RYR3: variants seen among roughly 807,000 people sequenced by gnomAD.
The protein encoded by RYR3 is brain ryanodine receptor-calcium release channel.
Under a neutral mutation model 584.3 loss-of-function variants are expected in RYR3, and 207 were observed. The ratio of observed to expected loss-of-function variants is 0.35; its 90% CI spans 0.32 to 0.40. RYR3 has a LOEUF of 0.40. Ranked by LOEUF, RYR3 falls within the 10% of genes least tolerant of loss-of-function variation. The probability of loss-of-function intolerance (pLI) is 1.00; values close to 1 mark genes in which losing one functional copy is unlikely to be tolerated. For synonymous variants in RYR3, 2,416 were observed against 2,248.5 expected (o/e 1.07, Z -2.11); for missense variants, 5,616 against 6,089.2 (o/e 0.92, Z 2.59).
In RYR3 at chr15:33,857,921, GCCCACCCACTGCGGGGCCAGC is replaced by G. The variant is rs1459572965; in HGVS notation, c.14142+10_14142+30del. ...GTGCGACGACATGATGACGGTGAGA[GCCCACCCACTGCGGGGCCAGC>G]CCACCCACTGCGGGGCCACCCCGCC... On this transcript the variant is annotated splice_region_variant and intron_variant, in intron 99 of 103. Coordinates refer to ENST00000634891, the MANE Select transcript of RYR3 (RefSeq NM_001036.6). 8 of 1,380,586 alleles carry G rather than the reference GCCCACCCACTGCGGGGCCAGC, an allele frequency of 5.8e-6. No homozygotes were observed. The highest frequency in any genetic ancestry group is 7.7e-6 in the Non-Finnish European group (8 of 1,038,000). The allele number at this position is 1,380,586 out of a possible 1,614,324, so 85.5% of individuals were successfully genotyped here.
chr15:33,725,976 C>CGCCAAAAAAAA lies in RYR3; in HGVS notation c.6913-410_6913-409insGCCAAAAAAAA, dbSNP rs1555427643. Among the ~76,000 whole-genome samples, 5 of 31,516 alleles carry CGCCAAAAAAAA rather than the reference C, an allele frequency of 1.6e-4. 1 individual carries two copies. Among genetic ancestry groups the CGCCAAAAAAAA allele is most frequent in the Non-Finnish European group, 3.0e-4 (5 of 16,876 alleles). 20.7% of individuals were successfully genotyped at this position (31,516 alleles called of 152,430 possible). ...CAGAGCAAGACTCCATCCCCCCCCC[C>CGCCAAAAAAAA]AAAAAAAAAAAAAAAAAAAAACAGA... On this transcript the variant is annotated intron_variant, in intron 45 of 103. Transcript: ENST00000634891.
intron 1 of RYR3, among the ~76,000 whole-genome samples, chr15:33,362,249 T>A (rs1222660519): frequency 1.3e-5 from 2 of 152,210 alleles, no homozygotes; most frequent in African/African-American, 4.8e-5. Flanking sequence ...TCTATTGTCT[T>A]TACCCTCCCT....
chr15:33,715,106 A>C (rs1053128887), intron 43 of RYR3, among the ~76,000 whole-genome samples: 6 of 152,248 alleles, frequency 3.9e-5, no homozygotes, highest in African/African-American at 1.4e-4. Flanking sequence ...ATATGGATAG[A>C]CTGTTGTGCT....
chr15:33,845,793 C>T (rs527767332), intron 93 of RYR3, among the ~76,000 whole-genome samples: 1 of 152,218 alleles, frequency 6.6e-6, no homozygotes, highest in African/African-American at 2.4e-5. Flanking sequence ...GGTAACCACT[C>T]AAGATCTCAG....
chr15:33,321,265 G>T (rs1166539087), intron 1 of RYR3, among the ~76,000 whole-genome samples: 3 of 152,172 alleles, frequency 2.0e-5, no homozygotes, highest in African/African-American at 4.8e-5. Context: ...TCATCCTGCT[G>T]TAAGGATCTG....
In RYR3 at chr15:33,573,193, A is replaced by G. The variant is rs112137567; in HGVS notation, c.1268+6394A>G. 7.3e-3 allele frequency among the ~76,000 whole-genome samples: 1,112 copies of G among 152,222 alleles called. 8 individuals carry two copies. Among genetic ancestry groups the G allele is most frequent in the African/African-American group, 0.022 (901 of 41,514 alleles). On this transcript the variant is annotated intron_variant, in intron 12 of 103. Transcript: ENST00000634891. ...TTCTTCCAGGCACAGGATATTTTAG[A>G]AAAAAAGGACTAATGAAAAAATATC...
intron 1 of RYR3, among the ~76,000 whole-genome samples, chr15:33,424,267 A>G (rs2044444547): frequency 6.6e-6 from 1 of 152,230 alleles, no homozygotes; most frequent in Non-Finnish European, 1.5e-5. Context: ...AGAGGACAAC[A>G]TTGCCTACCC....
intron 53 of RYR3, 52 bp from the exon 54 acceptor site, chr15:33,748,062 G>T: frequency 6.3e-7 from 1 of 1,586,560 alleles, no homozygotes; most frequent in East Asian, 2.2e-5. Context: ...ATGGGCCAGG[G>T]AGAATGCTGG....
At chr15:33,646,610 T>C (rs1487003763) in intron 29 of RYR3, 84 bp downstream of exon 29, 2 of 1,244,504 alleles carry the variant, frequency 1.6e-6, no homozygotes, top group East Asian at 4.7e-5. Flanking sequence ...TAACTCAGCA[T>C]AGGAACTCCA....
intron 1 of RYR3, among the ~76,000 whole-genome samples, chr15:33,370,707 A>T (rs2040269492): frequency 6.6e-6 from 1 of 152,156 alleles, no homozygotes; most frequent in Admixed American, 6.5e-5. Flanking sequence ...CAGGATGGAG[A>T]AAGTCAAGTA....
intron 2 of RYR3, among the ~76,000 whole-genome samples, chr15:33,491,756 A>G (rs1301616937): frequency 1.3e-5 from 2 of 152,256 alleles, no homozygotes; most frequent in Admixed American, 1.3e-4. Flanking sequence ...GGTTGGACAG[A>G]TGTAGCATTA....
intron 2 of RYR3, among the ~76,000 whole-genome samples, chr15:33,486,486 A>G (rs961056879): frequency 1.3e-5 from 2 of 152,192 alleles, no homozygotes; most frequent in Non-Finnish European, 2.9e-5. Context: ...CAACTTGATT[A>G]TATCTGATAA....
At chr15:33,313,331 C>G (rs1967622870) in intron 1 of RYR3, among the ~76,000 whole-genome samples, 1 of 152,194 alleles carries the variant, frequency 6.6e-6, no homozygotes, top group Admixed American at 6.5e-5. Context: ...CCGCTAGAGC[C>G]TGGCATTGAG....
chr15:33,314,536 A>T lies in RYR3; in HGVS notation c.51+3440A>T, dbSNP rs190900445. 3.3e-3 allele frequency among the ~76,000 whole-genome samples: 497 copies of T among 152,270 alleles called. 2 individuals carry two copies. The highest frequency in any genetic ancestry group is 5.7e-3 in the Non-Finnish European group (390 of 68,014). On this transcript the variant is annotated intron_variant, in intron 1 of 103. Coordinates refer to ENST00000634891, the MANE Select transcript of RYR3 (RefSeq NM_001036.6). ...ATCCATTTAAAAAACACAAAACGAA[A>T]CAAAACTCTAATCCTTAGCTTATTG...
chr15:33,711,478 C>T (rs968155635), intron 43 of RYR3, among the ~76,000 whole-genome samples: 2 of 152,058 alleles, frequency 1.3e-5, no homozygotes, highest in African/African-American at 2.4e-5. Flanking sequence ...CTCCTGACTT[C>T]GTGATCCACC....
rs748446325 is a variant in RYR3 at position 33,838,704 on chromosome 15, G to A, written c.12724G>A (p.Gly4242Ser). Residue 4242 changes from glycine to serine, a missense_variant, in exon 89 of 104, where the codon GGT becomes AGT. Physicochemically the swap from Gly to Ser is moderately conservative, Grantham distance 56. This residue lies in a region of RYR3 where 918 missense variants were observed against 887.4 expected (regional missense o/e 1.03). Coordinates refer to ENST00000634891, the MANE Select transcript of RYR3 (RefSeq NM_001036.6). ...TGACATGCCTGACCCAACCCAATTT[G>A]GTATCCATGATGACACTATGGAGGC... ...LGDMPDPTQF[G>S]IHDDTMEAER... is the part of the protein sequence containing the mutation. 6.2e-7 allele frequency: 1 copy of A among 1,613,894 alleles called. No homozygotes were observed. The highest frequency in any genetic ancestry group is 1.1e-5 in the South Asian group (1 of 91,070).
At chr15:33,478,942 A>G (rs569345831) in intron 2 of RYR3, among the ~76,000 whole-genome samples, 1 of 152,374 alleles carries the variant, frequency 6.6e-6, no homozygotes, top group Non-Finnish European at 1.5e-5. Flanking sequence ...AGCCAGTGGC[A>G]TGTCTAAAGT....
chr15:33,840,955 C>G, intron 90 of RYR3, 72 bp downstream of exon 90: 2 of 1,369,212 alleles, frequency 1.5e-6, no homozygotes, highest in Non-Finnish European at 2.1e-6. Context: ...GAGTGGCTCG[C>G]ACCTGTAATC....
At chr15:33,491,773 G>A (rs1003910619) in intron 2 of RYR3, among the ~76,000 whole-genome samples, 4 of 152,138 alleles carry the variant, frequency 2.6e-5, no homozygotes, top group African/African-American at 9.7e-5. Flanking sequence ...ATTAGACGTG[G>A]TATTTCCTGG....
Sources: allele counts gnomAD v4.1 joint callset (sites outside exome capture counted in the v4.1 genomes callset), GRCh38; gene constraint gnomAD v4.1.1; regional missense constraint gnomAD v4.1.1; transcripts MANE v1.5; gene names NCBI Gene and HGNC (gene_info 2026-07-23, HGNC 2026-07-21).